Variants in AEBP2 observed in about 807,000 individuals in gnomAD.
AEBP2 encodes the protein AE binding protein 2, also known as zinc finger protein AEBP2.
Under a neutral mutation model 50.8 loss-of-function variants are expected in AEBP2, and 10 were observed. That is an observed-to-expected ratio of 0.20 (90% CI 0.12 to 0.33). AEBP2 has a LOEUF of 0.33. Ranked by LOEUF, AEBP2 falls within the 10% of genes least tolerant of loss-of-function variation. AEBP2 has a pLI of 1.00. For missense variants in AEBP2, 570 were observed against 688.0 expected, an observed-to-expected ratio of 0.83 and a Z score of 1.92; for synonymous variants, 296 against 261.3, an observed-to-expected ratio of 1.13 and a Z score of -1.28.
At chr12:19,467,673 T>C (rs375538168) in intron 2 of AEBP2, among the ~76,000 whole-genome samples, 12 of 152,312 alleles carry the variant, frequency 7.9e-5, no homozygotes, top group African/African-American at 1.9e-4. Flanking sequence ...CAAATCCCAG[T>C]GTCCTCTTAA....
chr12:19,498,535 T>G (rs1949019875), intron 4 of AEBP2, among the ~76,000 whole-genome samples: 1 of 152,194 alleles, frequency 6.6e-6, no homozygotes. Context: ...ACTCTTTGAA[T>G]AGCCATAGTG....
chr12:19,500,637 C>T (rs143204144), intron 5 of AEBP2, among the ~76,000 whole-genome samples: 147 of 152,244 alleles, frequency 9.7e-4, no homozygotes, highest in African/African-American at 3.3e-3. Flanking sequence ...TCTTACCCCA[C>T]GTACCCATCC....
upstream of AEBP2, among the ~76,000 whole-genome samples, chr12:19,435,240 A>G (rs1592711524): frequency 6.9e-6 from 1 of 144,624 alleles, no homozygotes; most frequent in South Asian, 2.2e-4. Flanking sequence ...TGATCCTCCC[A>G]CCTCAGCCTC....
chr12:19,439,627 G>C lies in AEBP2; in HGVS notation c.-73G>C. The C allele has an allele frequency of 6.7e-7, 1 of 1,484,140 alleles. No individual in the cohort carries two copies. The allele number at this position is 1,484,140 out of a possible 1,614,324, so 91.9% of individuals were successfully genotyped here. ...GCGGAGTTTTGGGCGTTTGGGAGGG[G>C]GGCGAGGGAGAGAGAGTCGAGAGAG... On this transcript the variant is annotated 5_prime_UTR_variant, in exon 1 of 8. Transcript: ENST00000266508.
At chr12:19,412,014 TCCGTAAGTG>T (rs1248219981) in intron 1 of AEBP2, among the ~76,000 whole-genome samples, 1 of 152,222 alleles carries the variant, frequency 6.6e-6, no homozygotes, top group Admixed American at 6.5e-5. Context: ...CAGACTCCTG[TCCGTAAGTG>T]CTGCGCAGGT....
intron 1 of AEBP2, among the ~76,000 whole-genome samples, chr12:19,415,329 A>G (rs1178874734): frequency 1.5e-4 from 4 of 26,410 alleles, no homozygotes; most frequent in Non-Finnish European, 3.1e-4. Context: ...AAAAAAAAAA[A>G]AAAAAAAAAA....
At chr12:19,504,430 C>T (rs1251449153) in intron 5 of AEBP2, among the ~76,000 whole-genome samples, 7 of 151,160 alleles carry the variant, frequency 4.6e-5, no homozygotes, top group South Asian at 2.1e-4. Context: ...TTAGTAGAGA[C>T]GGGATTTCAC....
intron 1 of AEBP2, among the ~76,000 whole-genome samples, chr12:19,407,378 A>G (rs1268123222): frequency 2.0e-5 from 3 of 151,514 alleles, no homozygotes; most frequent in African/African-American, 7.3e-5. Flanking sequence ...GCTCACTGCA[A>G]CCTCCACCTC....
chr12:19,439,936 A>G lies in AEBP2; in HGVS notation c.237A>G (p.Ala79=). 1.3e-6 allele frequency: 2 copies of G among 1,512,326 alleles called. No homozygotes were observed. The highest frequency in any genetic ancestry group is 1.8e-6 in the Non-Finnish European group (2 of 1,137,750). 93.7% of individuals were successfully genotyped at this position (1,512,326 alleles called of 1,614,324 possible). A position where few individuals can be genotyped will look rare whatever the true frequency, so the allele number is the denominator to read the frequency against. ...GGGGGVGGGE[A]ETMSEPSPES... ...GCGGAGGAGTGGGGGGCGGCGAGGCAGAGACGATGTCGGAGCCGAGCCCCG... is the reference window on the plus strand; with the variant it reads ...GCGGAGGAGTGGGGGGCGGCGAGGCGGAGACGATGTCGGAGCCGAGCCCCG... Residue 79 remains alanine, a synonymous_variant, in exon 1 of 8, where the codon GCA becomes GCG. Coordinates refer to ENST00000266508, the MANE Select transcript of AEBP2 (RefSeq NM_153207.5).
intron 5 of AEBP2, among the ~76,000 whole-genome samples, chr12:19,502,534 A>G (rs1444927545): frequency 6.6e-6 from 1 of 152,128 alleles, no homozygotes; most frequent in African/African-American, 2.4e-5. Context: ...TTATTGAATT[A>G]GGGAGTCCTT....
rs1483232465 is a variant in AEBP2, at chr12:19,443,110, T to G, written c.671+2740T>G. ...TTTGTTAAATATCTTTTTCTTTTTT[T>G]TTTTTGAGACGAGTCTCACTCTATC... is the stretch of plus-strand genomic sequence containing the variant. On this transcript the variant is annotated intron_variant, in intron 1 of 7. Coordinates refer to ENST00000266508, the MANE Select transcript of AEBP2 (RefSeq NM_153207.5). Among the ~76,000 whole-genome samples the G allele has an allele frequency of 2.0e-5, 3 of 152,118 alleles. No individual in the cohort carries two copies. The East Asian group carries it at 5.8e-4, about 30-fold the overall frequency.
At chr12:19,458,693 C>T (rs1277297341) in intron 1 of AEBP2, among the ~76,000 whole-genome samples, 6 of 152,006 alleles carry the variant, frequency 3.9e-5, no homozygotes, top group Non-Finnish European at 5.9e-5. Flanking sequence ...AATGATGTTT[C>T]GCAGCTATAT....
intron 1 of AEBP2, among the ~76,000 whole-genome samples, chr12:19,433,427 A>C (rs2095752457): frequency 6.6e-6 from 1 of 151,956 alleles, no homozygotes; most frequent in South Asian, 2.1e-4. Context: ...TACTTTTGTA[A>C]AATACAGTAA....
At chr12:19,463,918 G>C (rs1948424725) in intron 2 of AEBP2, among the ~76,000 whole-genome samples, 1 of 151,922 alleles carries the variant, frequency 6.6e-6, no homozygotes, top group South Asian at 2.1e-4. Context: ...CGCCCACCTC[G>C]GCCTCCCAGA....
intron 4 of AEBP2, among the ~76,000 whole-genome samples, chr12:19,496,034 C>T (rs994638639): frequency 3.9e-5 from 6 of 152,112 alleles, no homozygotes; most frequent in Non-Finnish European, 2.9e-5. Context: ...TACTCAAAAA[C>T]CAGATGACTT....
At chr12:19,480,458 CT>C (rs1419222736) in intron 3 of AEBP2, among the ~76,000 whole-genome samples, 1 of 152,170 alleles carries the variant, frequency 6.6e-6, no homozygotes, top group African/African-American at 2.4e-5. Flanking sequence ...TTTAGAACTT[CT>C]TTTAGCATTT....
rs1555188838 is a variant in AEBP2 at position 19,518,238 on chromosome 12, T to TTA, written c.*121_*122insTA. The TTA allele has an allele frequency of 8.9e-6, 11 of 1,234,082 alleles. No individual in the cohort carries two copies. The highest frequency in any genetic ancestry group is 6.2e-5 in the East Asian group (2 of 32,182). The allele number at this position is 1,234,082 out of a possible 1,614,324, so 76.4% of individuals were successfully genotyped here. ...CCCTTCTTTTTTTTTTTTTTTTTTT[T>TTA]AAATCCAGTATTTAGGATAATATTT... is the stretch of plus-strand genomic sequence containing the variant. On this transcript the variant is annotated 3_prime_UTR_variant, in exon 8 of 8. Coordinates refer to ENST00000266508, the MANE Select transcript of AEBP2 (RefSeq NM_153207.5).
chr12:19,483,844 A>G (rs1948766513), intron 3 of AEBP2, among the ~76,000 whole-genome samples: 1 of 152,174 alleles, frequency 6.6e-6, no homozygotes, highest in South Asian at 2.1e-4. Flanking sequence ...ATGTATAATT[A>G]TGTATGTAGG....
intron 3 of AEBP2, among the ~76,000 whole-genome samples, chr12:19,487,346 C>A (rs989723191): frequency 6.6e-6 from 1 of 151,952 alleles, no homozygotes; most frequent in African/African-American, 2.4e-5. Context: ...TACTGTAGTT[C>A]AGTGATTATT....
Sources: gnomAD v4.1 joint callset for allele counts (sites outside exome capture counted in the v4.1 genomes callset) on GRCh38, gnomAD v4.1.1 for gene constraint, MANE v1.5 for transcripts, NCBI Gene and HGNC (gene_info 2026-07-23, HGNC 2026-07-21) for gene names.